The following BCKDHB variants were observed in gnomAD, a reference collection of about 807,000 sequenced individuals.
The protein encoded by BCKDHB is 2-oxoisovalerate dehydrogenase subunit beta, mitochondrial.
BCKDHB carries 41 observed loss-of-function variants against 48.5 expected under a neutral mutation model. The observed-to-expected ratio is 0.85, with a 90% CI of 0.66 to 1.10. The LOEUF is 1.10. Among genes scored for constraint, BCKDHB ranks in the 50% least tolerant of loss-of-function variants. The pLI is 0.00. For synonymous variants in BCKDHB, 201 were observed against 174.8 expected, an observed-to-expected ratio of 1.15 and a Z score of -1.18; for missense variants, 496 against 494.2, an observed-to-expected ratio of 1.00 and a Z score of -0.03.
chr6:80,180,980 C>G (rs1299512475), intron 6 of BCKDHB, among the ~76,000 whole-genome samples: 1 of 152,110 alleles, frequency 6.6e-6, no homozygotes, highest in African/African-American at 2.4e-5. Flanking sequence ...ATGATAGCTT[C>G]TAATAAAAAA....
chr6:80,111,865 GC>G (rs1274924352), intron 1 of BCKDHB, among the ~76,000 whole-genome samples: 1 of 152,104 alleles, frequency 6.6e-6, no homozygotes, highest in Non-Finnish European at 1.5e-5. Flanking sequence ...TACCCGGGGG[GC>G]TACAGTGTTA....
intron 3 of BCKDHB, among the ~76,000 whole-genome samples, chr6:80,163,720 TC>T (rs1279437111): frequency 1.3e-5 from 2 of 152,202 alleles, no homozygotes; most frequent in African/African-American, 4.8e-5. Flanking sequence ...TGAGGGCATC[TC>T]AAAGTAAACA....
At chr6:80,413,503 A>G in the BCKDHB span, among the ~76,000 whole-genome samples, 1,257 of 152,168 alleles carry the variant, frequency 8.3e-3, 8 homozygotes, top group Non-Finnish European at 0.013. Context: ...CTATGTGTCC[A>G]TATGTTTTTA....
intron 8 of BCKDHB, among the ~76,000 whole-genome samples, chr6:80,209,596 C>A (rs968363561): frequency 6.6e-6 from 1 of 151,876 alleles, no homozygotes; most frequent in Non-Finnish European, 1.5e-5. Flanking sequence ...GTAGTTTTCT[C>A]AATAGAGGAT....
intron 6 of BCKDHB, among the ~76,000 whole-genome samples, chr6:80,188,868 G>T (rs1354701646): frequency 6.6e-6 from 1 of 152,190 alleles, no homozygotes; most frequent in Non-Finnish European, 1.5e-5. Flanking sequence ...TGATGGGGTG[G>T]TTCAGATTTA....
chr6:80,157,449 T>C (rs1715610792), intron 3 of BCKDHB, among the ~76,000 whole-genome samples: 1 of 149,108 alleles, frequency 6.7e-6, no homozygotes, highest in Admixed American at 7.0e-5. Flanking sequence ...CTGGAGATTA[T>C]TGGGTGAGAA....
intron 2 of BCKDHB, 131 bp downstream of exon 2, chr6:80,127,755 CTAAA>C: frequency 1.1e-6 from 1 of 882,402 alleles, no homozygotes; most frequent in Non-Finnish European, 1.9e-6. Flanking sequence ...ATGATTGGGG[CTAAA>C]TAATCAAATT....
chr6:80,356,528 T>A, the BCKDHB span: 1 of 152,306 alleles, frequency 6.6e-6, no homozygotes, highest in Admixed American at 6.5e-5. Context: ...CAAAATTATG[T>A]GTGTATTATG....
chr6:80,311,320 C>G (rs1193251236), intron 9 of BCKDHB, among the ~76,000 whole-genome samples: 1 of 152,120 alleles, frequency 6.6e-6, no homozygotes, highest in Non-Finnish European at 1.5e-5. Flanking sequence ...TCGGGTATGC[C>G]TTTATGAGCA....
intron 8 of BCKDHB, among the ~76,000 whole-genome samples, chr6:80,240,526 A>C (rs1776337771): frequency 1.3e-5 from 2 of 152,120 alleles, no homozygotes; most frequent in South Asian, 2.1e-4. Flanking sequence ...TTTGTATCGG[A>C]CTTTACTGAA....
the BCKDHB span, among the ~76,000 whole-genome samples, chr6:80,382,114 T>C: frequency 6.6e-6 from 1 of 152,148 alleles, no homozygotes; most frequent in Non-Finnish European, 1.5e-5. Flanking sequence ...TTACCATCAT[T>C]CTTGATGCAT....
the BCKDHB span, among the ~76,000 whole-genome samples, chr6:80,454,983 A>C: frequency 6.6e-6 from 1 of 152,162 alleles, no homozygotes; most frequent in Non-Finnish European, 1.5e-5. Context: ...TTGTCTATGA[A>C]TCCTGTCTAA....
chr6:80,197,877 T>C (rs1390938862), intron 6 of BCKDHB, among the ~76,000 whole-genome samples: 3 of 152,136 alleles, frequency 2.0e-5, no homozygotes, highest in South Asian at 2.1e-4. Flanking sequence ...TTCAGTGATA[T>C]GTGTGTGCCT....
At chr6:80,428,945 C>G in the BCKDHB span, among the ~76,000 whole-genome samples, 5 of 152,064 alleles carry the variant, frequency 3.3e-5, no homozygotes, top group African/African-American at 1.2e-4. Context: ...AAGTCTTTGC[C>G]CATGCCTATG....
chr6:80,320,005 A>G (rs1179615084), intron 9 of BCKDHB, among the ~76,000 whole-genome samples: 1 of 152,196 alleles, frequency 6.6e-6, no homozygotes. Flanking sequence ...AAATTTGAGT[A>G]TTTTCCCTTT....
chr6:80,382,268 G>T, the BCKDHB span, among the ~76,000 whole-genome samples: 1 of 151,984 alleles, frequency 6.6e-6, no homozygotes, highest in Non-Finnish European at 1.5e-5. Context: ...CAAAAATTTT[G>T]GTTTATAAAT....
At chr6:80,263,275 A>G (rs539987393) in intron 8 of BCKDHB, among the ~76,000 whole-genome samples, 27 of 152,302 alleles carry the variant, frequency 1.8e-4, no homozygotes, top group Middle Eastern at 3.4e-3. Context: ...TTAAGTAATC[A>G]ATGAATATGT....
chr6:80,199,504 G>A (rs1045490418), intron 6 of BCKDHB, among the ~76,000 whole-genome samples: 27 of 152,052 alleles, frequency 1.8e-4, no homozygotes, highest in African/African-American at 5.8e-4. Context: ...ATGGCTAGGC[G>A]CGATGGCTCA....
intron 9 of BCKDHB, among the ~76,000 whole-genome samples, chr6:80,277,324 G>A (rs1331716429): frequency 6.6e-6 from 1 of 151,930 alleles, no homozygotes; most frequent in African/African-American, 2.4e-5. Context: ...CCTTTAGTGT[G>A]TAAAAGTGTT....
Sources: allele counts gnomAD v4.1 joint callset (sites outside exome capture counted in the v4.1 genomes callset), GRCh38; gene constraint gnomAD v4.1.1; transcripts MANE v1.5; gene names NCBI Gene and HGNC (gene_info 2026-07-23, HGNC 2026-07-21).